The following COLEC10 variants were observed in gnomAD, a reference collection of about 807,000 sequenced individuals.
COLEC10 encodes the protein collectin-10.
COLEC10 carries 22 observed loss-of-function variants against 28.4 expected under a neutral mutation model. The observed-to-expected ratio is 0.78, with a 90% CI of 0.55 to 1.11. The LOEUF is 1.11. Among genes scored for constraint, COLEC10 ranks in the 50% least tolerant of loss-of-function variants. The pLI, the probability that COLEC10 is intolerant of heterozygous loss-of-function variation, is 0.00. For synonymous variants in COLEC10, 125 were observed against 116.1 expected, an observed-to-expected ratio of 1.08 and a Z score of -0.49; for missense variants, 361 against 344.1, an observed-to-expected ratio of 1.05 and a Z score of -0.39.
intron 2 of COLEC10, among the ~76,000 whole-genome samples, chr8:119,049,423 TTTTTTTTTTG>T (rs1814638962): frequency 8.3e-6 from 1 of 120,546 alleles, no homozygotes; most frequent in African/African-American, 3.0e-5. Flanking sequence ...TTTTTTTTTT[TTTTTTTTTTG>T]AGATGGAGTC....
At chr8:118,992,165 T>C (rs1280673503), upstream of COLEC10, among the ~76,000 whole-genome samples, 1 of 152,178 alleles carries the variant, frequency 6.6e-6, no homozygotes, top group African/African-American at 2.4e-5. Context: ...TGTAAAGGTC[T>C]ATATCGGAAT....
At chr8:118,969,904 G>T in the COLEC10 span, among the ~76,000 whole-genome samples, 3 of 151,812 alleles carry the variant, frequency 2.0e-5, no homozygotes, top group Non-Finnish European at 2.9e-5. Context: ...GAAATAATTG[G>T]CAGGTCACTA....
At chr8:118,971,854 C>T in the COLEC10 span, among the ~76,000 whole-genome samples, 1 of 151,938 alleles carries the variant, frequency 6.6e-6, no homozygotes, top group Non-Finnish European at 1.5e-5. Context: ...ACTATTTGAT[C>T]CCAGTTTGCT....
At chr8:119,079,840 A>G (rs1815335776) in intron 1 of COLEC10, among the ~76,000 whole-genome samples, 1 of 152,108 alleles carries the variant, frequency 6.6e-6, no homozygotes, top group South Asian at 2.1e-4. Flanking sequence ...TTGATAGGGC[A>G]CAATTAAGGG....
intron 3 of COLEC10, among the ~76,000 whole-genome samples, chr8:119,099,026 G>A (rs965989108): frequency 2.6e-5 from 4 of 151,908 alleles, no homozygotes; most frequent in Admixed American, 6.6e-5. Flanking sequence ...TTCATTTTAG[G>A]AATAAGAAAT....
At chr8:118,961,279 C>G in the COLEC10 span, among the ~76,000 whole-genome samples, 30,965 of 152,128 alleles carry the variant, frequency 0.2, 3,320 homozygotes, top group Middle Eastern at 0.31. Flanking sequence ...TAGATTCTCT[C>G]AAAAATCCCA....
chr8:119,048,813 A>C (rs1814628170), intron 2 of COLEC10, among the ~76,000 whole-genome samples: 1 of 152,038 alleles, frequency 6.6e-6, no homozygotes. Context: ...ATAGCTTTTA[A>C]ATGGGGCATT....
At chr8:118,981,488 A>C in the COLEC10 span, among the ~76,000 whole-genome samples, 1 of 152,098 alleles carries the variant, frequency 6.6e-6, no homozygotes, top group Non-Finnish European at 1.5e-5. Flanking sequence ...AAATTTAATA[A>C]AATGTATATT....
intron 1 of COLEC10, among the ~76,000 whole-genome samples, chr8:118,997,002 G>A (rs182707394): frequency 4.6e-5 from 7 of 152,220 alleles, no homozygotes; most frequent in Admixed American, 2.6e-4. Flanking sequence ...CATGACAAAC[G>A]CCTCTTTCCA....
intron 1 of COLEC10, among the ~76,000 whole-genome samples, chr8:119,069,656 A>G (rs1187769232): frequency 4.1e-5 from 5 of 122,548 alleles, no homozygotes; most frequent in Non-Finnish European, 8.6e-5. Flanking sequence ...ATATATATAT[A>G]TATATGTAAA....
chr8:118,975,874 C>T, the COLEC10 span, among the ~76,000 whole-genome samples: 22 of 151,946 alleles, frequency 1.4e-4, no homozygotes, highest in Admixed American at 1.3e-4. Context: ...AATTTCTTAC[C>T]GTGACCTTGA....
chr8:118,985,917 T>A, the COLEC10 span, among the ~76,000 whole-genome samples: 1 of 152,020 alleles, frequency 6.6e-6, no homozygotes, highest in African/African-American at 2.4e-5. Context: ...ATCTGAAGTT[T>A]TCACCGTCTT....
intron 4 of COLEC10, among the ~76,000 whole-genome samples, chr8:119,102,905 G>C (rs1815867339): frequency 6.6e-6 from 1 of 152,090 alleles, no homozygotes; most frequent in African/African-American, 2.4e-5. Context: ...TTGTACTTTG[G>C]TAATTTCAAT....
At chr8:118,964,574 T>C in the COLEC10 span, among the ~76,000 whole-genome samples, 1 of 152,200 alleles carries the variant, frequency 6.6e-6, no homozygotes, top group Non-Finnish European at 1.5e-5. Context: ...TGGTAAACTT[T>C]CTGTAGGGCA....
chr8:118,971,011 C>T, the COLEC10 span, among the ~76,000 whole-genome samples: 472 of 152,088 alleles, frequency 3.1e-3, 4 homozygotes, highest in African/African-American at 9.4e-3. Context: ...TACTAGTCTT[C>T]CTATTTTCAC....
At chr8:119,093,774 T>C (rs1815657981) in intron 3 of COLEC10, among the ~76,000 whole-genome samples, 1 of 152,208 alleles carries the variant, frequency 6.6e-6, no homozygotes, top group Non-Finnish European at 1.5e-5. Flanking sequence ...GTATTCTGTG[T>C]ATGTTTGTGC....
intron 2 of COLEC10, among the ~76,000 whole-genome samples, chr8:119,034,960 A>C (rs1479056193): frequency 1.3e-5 from 2 of 152,182 alleles, no homozygotes; most frequent in Non-Finnish European, 2.9e-5. Flanking sequence ...GCAACTAATC[A>C]TATGTCCAAA....
chr8:119,002,872 T>C (rs931447970), intron 1 of COLEC10, among the ~76,000 whole-genome samples: 1 of 152,076 alleles, frequency 6.6e-6, no homozygotes, highest in Non-Finnish European at 1.5e-5. Flanking sequence ...AAATCTTGGG[T>C]TTTTGAAATA....
At chr8:118,964,443 C>A in the COLEC10 span, among the ~76,000 whole-genome samples, 2 of 152,136 alleles carry the variant, frequency 1.3e-5, no homozygotes, top group African/African-American at 4.8e-5. Flanking sequence ...TCCTCAGTAT[C>A]TTGCCTGTAC....
Sources: allele counts gnomAD v4.1 joint callset (sites outside exome capture counted in the v4.1 genomes callset), GRCh38; gene constraint gnomAD v4.1.1; transcripts MANE v1.5; gene names NCBI Gene and HGNC (gene_info 2026-07-23, HGNC 2026-07-21).